ZNF879: variants seen among roughly 807,000 people sequenced by gnomAD.
ZNF879 encodes the protein zinc finger protein 879.
Under a neutral mutation model 44.3 loss-of-function variants are expected in ZNF879, and 32 were observed. The observed-to-expected ratio is 0.72, with a 90% CI of 0.54 to 0.97. The LOEUF is 0.97. Among genes scored for constraint, ZNF879 ranks in the 50% least tolerant of loss-of-function variants. The pLI is 0.00. For missense variants in ZNF879, 621 were observed against 669.7 expected, an observed-to-expected ratio of 0.93 and a Z score of 0.80; for synonymous variants, 234 against 233.2, an observed-to-expected ratio of 1.00 and a Z score of -0.03.
chr5:179,032,916 G>A lies in ZNF879; in HGVS notation c.968G>A (p.Arg323Lys), dbSNP rs780406331. 6.4e-7 allele frequency: 1 copy of A among 1,569,166 alleles called. No individual in the cohort carries two copies. The highest frequency in any genetic ancestry group is 2.4e-5 in the East Asian group (1 of 42,226). ...EKPYKCNECG[R>K]AFSQCSSLIQ... Reference sequence around the variant, plus strand: ...CCCTATAAGTGTAATGAATGTGGGAGGGCCTTCAGTCAGTGCTCATCTCTC... The same window carrying A: ...CCCTATAAGTGTAATGAATGTGGGAAGGCCTTCAGTCAGTGCTCATCTCTC... Residue 323 changes from arginine to lysine, a missense_variant, in exon 5 of 5, where the codon AGG (arginine) becomes AAG (lysine). Arg to Lys is a conservative substitution (Grantham distance 26). Transcript: ENST00000444149.
chr5:179,031,144 T>TC (rs1339714772), intron 4 of ZNF879, among the ~76,000 whole-genome samples: 1 of 152,306 alleles, frequency 6.6e-6, no homozygotes, highest in African/African-American at 2.4e-5. Flanking sequence ...TTGTTCTCTT[T>TC]CTCCCCGGCC....
chr5:179,033,262 T>C lies in ZNF879; in HGVS notation c.1314T>C (p.Ser438=). Residue 438 remains serine, a synonymous_variant, in exon 5 of 5, where the codon TCT becomes TCC. Transcript: ENST00000444149. The part of the protein sequence containing the change: ...YKCNECGKAF[S]WISRLNIHHR... ...GTAATGAATGTGGGAAAGCCTTCTC[T>C]TGGATTTCACGGCTTAATATACATC... 6.3e-7 allele frequency: 1 copy of C among 1,585,898 alleles called. No homozygotes were observed. The highest frequency in any genetic ancestry group is 8.6e-7 in the Non-Finnish European group (1 of 1,165,898).
chr5:179,028,895 G>T (rs560889396), intron 4 of ZNF879, among the ~76,000 whole-genome samples: 1 of 152,270 alleles, frequency 6.6e-6, no homozygotes, highest in Admixed American at 6.5e-5. Flanking sequence ...CCTGGGCAGG[G>T]CGTGGGCTTT....
At chr5:179,025,853 G>T (rs1429054315) in intron 2 of ZNF879, among the ~76,000 whole-genome samples, 1 of 151,888 alleles carries the variant, frequency 6.6e-6, no homozygotes, top group African/African-American at 2.4e-5. Flanking sequence ...GGAGGCAGGG[G>T]TTGAAGCGAG....
In ZNF879 at chr5:179,034,865, G is replaced by A. The variant is rs888947847; in HGVS notation, c.*1225G>A. The A allele has an allele frequency of 2.0e-5, 3 of 152,086 alleles. No homozygotes were observed. The highest frequency in any genetic ancestry group is 7.2e-5 in the African/African-American group (3 of 41,402). 9.4% of individuals were successfully genotyped at this position (152,086 alleles called of 1,614,324 possible). On this transcript the variant is annotated 3_prime_UTR_variant, in exon 5 of 5. Coordinates refer to ENST00000444149, the MANE Select transcript of ZNF879 (RefSeq NM_001136116.3). ...GGGGCAAGCACTTAAGGGCTGAAAC[G>A]ACCCATTTCATAAAGTGCTAAGTTT...
chr5:179,032,381 A>G lies in ZNF879; in HGVS notation c.433A>G (p.Ile145Val). ...NRLFSKVLVTIKKVYMKERSF... is the reference protein window; with the variant it reads ...NRLFSKVLVTVKKVYMKERSF... The stretch of plus-strand genomic sequence containing the variant: ...ACTTTTCAGTAAAGTGTTAGTTACC[A>G]TCAAAAAAGTCTACATGAAGGAGAG... Residue 145 changes from isoleucine to valine, a missense_variant, in exon 5 of 5, where the codon ATC (isoleucine) becomes GTC (valine). By Grantham distance (29) the Ile-to-Val change is conservative. Transcript: ENST00000444149. The G allele has an allele frequency of 6.4e-7, 1 of 1,551,110 alleles. No individual in the cohort carries two copies. Among genetic ancestry groups the G allele is most frequent in the Non-Finnish European group, 8.7e-7 (1 of 1,146,862 alleles).
Position 179,032,691 on chromosome 5 carries a change from C to G in ZNF879, c.743C>G (p.Thr248Ser). The change falls in exon 5 of 5, where the codon ACT becomes AGT. Residue 248 changes from threonine to serine, a missense_variant. By Grantham distance (58) the Thr-to-Ser change is moderately conservative. Coordinates refer to ENST00000444149, the MANE Select transcript of ZNF879 (RefSeq NM_001136116.3). The part of the protein sequence containing the change: ...RKAFSQSSSL[T>S]QHLRVHTGEK... ...GCCTTCAGCCAAAGCTCATCCCTAACTCAGCACTTGAGGGTTCATACAGGA... is the reference window on the plus strand; with the variant it reads ...GCCTTCAGCCAAAGCTCATCCCTAAGTCAGCACTTGAGGGTTCATACAGGA... 1.3e-6 allele frequency: 2 copies of G among 1,560,280 alleles called. No homozygotes were observed. Among genetic ancestry groups the G allele is most frequent in the Non-Finnish European group, 1.7e-6 (2 of 1,152,680 alleles).
intron 2 of ZNF879, 74 bp downstream of exon 2, chr5:179,025,111 G>T: frequency 6.6e-7 from 1 of 1,510,268 alleles, no homozygotes; most frequent in South Asian, 1.2e-5. Context: ...CTGTTGTTGA[G>T]CTTCTCTACC....
In ZNF879 at chr5:179,025,003, A is replaced by G; in HGVS notation, c.-2A>G. Reference sequence around the variant, plus strand: ...TCCAAGAGAGGCAGCAGGGAGGGAGAAATGGCAAGGAGGTTGCTGCCAGCC... The same window carrying G: ...TCCAAGAGAGGCAGCAGGGAGGGAGGAATGGCAAGGAGGTTGCTGCCAGCC... On this transcript the variant is annotated 5_prime_UTR_variant, in exon 2 of 5. Coordinates refer to ENST00000444149, the MANE Select transcript of ZNF879 (RefSeq NM_001136116.3). 2 of 1,551,510 alleles carry G rather than the reference A, an allele frequency of 1.3e-6. No homozygotes were observed. Among genetic ancestry groups the G allele is most frequent in the Non-Finnish European group, 8.7e-7 (1 of 1,146,928 alleles).
At position 179,033,849 on chromosome 5, in the gene ZNF879, A is replaced by T; in HGVS notation, c.*209A>T. On this transcript the variant is annotated 3_prime_UTR_variant, in exon 5 of 5. Transcript: ENST00000444149. ...TAAAATGTTTATTCATATGTTCTTA[A>T]GTTATTACCATGAAATGGAGAATTT... 2.4e-6 allele frequency: 1 copy of T among 422,186 alleles called. No individual in the cohort carries two copies. Among genetic ancestry groups the T allele is most frequent in the South Asian group, 5.6e-5 (1 of 17,720 alleles). The allele number at this position is 422,186 out of a possible 1,614,324, so 26.2% of individuals were successfully genotyped here.
chr5:179,033,021 G>A lies in ZNF879; in HGVS notation c.1073G>A (p.Arg358Gln), dbSNP rs752155214. ...GGGAAAGCCTTCACTTCAATATCGCGGCTAAGTAGGCACCATCGAATTCAT... is the reference window on the plus strand; with the variant it reads ...GGGAAAGCCTTCACTTCAATATCGCAGCTAAGTAGGCACCATCGAATTCAT... ...QCGKAFTSIS[R>Q]LSRHHRIHTG... Residue 358 changes from arginine to glutamine, a missense_variant, in exon 5 of 5, where the codon CGG becomes CAG. Transcript: ENST00000444149. 1.5e-5 allele frequency: 24 copies of A among 1,556,598 alleles called. No homozygotes were observed. The South Asian group carries it at 2.1e-4, about 14-fold the overall frequency.
In ZNF879 at chr5:179,033,378, T is replaced by G; in HGVS notation, c.1430T>G (p.Ile477Ser). The G allele has an allele frequency of 6.4e-7, 1 of 1,558,722 alleles. No individual in the cohort carries two copies. The highest frequency in any genetic ancestry group is 2.4e-5 in the East Asian group (1 of 41,254). ...TCAGGCGTTAATACTCATCGAAAAA[T>G]TCATACTGGAGAAAAACCTTATAAA... ...SHSGVNTHRK[I>S]HTGEKPYKCN... The change falls in exon 5 of 5, where the codon ATT becomes AGT. Residue 477 changes from isoleucine to serine, a missense_variant. Physicochemically the swap from Ile to Ser is moderately radical, Grantham distance 142. Coordinates refer to ENST00000444149, the MANE Select transcript of ZNF879 (RefSeq NM_001136116.3).
intron 4 of ZNF879, 70 bp from the exon 5 acceptor site, chr5:179,032,135 C>T (rs951491585): frequency 1.2e-5 from 14 of 1,143,740 alleles, no homozygotes; most frequent in Admixed American, 3.1e-5. Flanking sequence ...TTTAACTATC[C>T]TTGTGCGTTT....
At chr5:179,025,348 C>G (rs201133999) in intron 2 of ZNF879, among the ~76,000 whole-genome samples, 5 of 152,022 alleles carry the variant, frequency 3.3e-5, no homozygotes, top group Non-Finnish European at 7.4e-5. Context: ...TGCCACCACA[C>G]CCAGCTAATT....
chr5:179,026,543 T>C (rs1288812520), intron 2 of ZNF879, among the ~76,000 whole-genome samples: 1 of 152,146 alleles, frequency 6.6e-6, no homozygotes, highest in Non-Finnish European at 1.5e-5. Context: ...AGTGCAGTAG[T>C]GTGATCACAC....
intron 2 of ZNF879, 152 bp from the exon 3 acceptor site, chr5:179,027,320 AC>A: frequency 9.1e-7 from 1 of 1,103,566 alleles, no homozygotes; most frequent in South Asian, 1.5e-5. Context: ...TGTTTCACTC[AC>A]CATAGGTAAA....
At chr5:179,032,121 A>AT in intron 4 of ZNF879, 84 bp from the exon 5 acceptor site, 1 of 1,053,692 alleles carries the variant, frequency 9.5e-7, no homozygotes, top group Non-Finnish European at 1.3e-6. Flanking sequence ...AAGGCTTTAT[A>AT]TTTTTTAACT....
intron 2 of ZNF879, among the ~76,000 whole-genome samples, chr5:179,026,157 T>C (rs1428228057): frequency 6.6e-6 from 1 of 151,974 alleles, no homozygotes; most frequent in Non-Finnish European, 1.5e-5. Flanking sequence ...TTTGTGATTC[T>C]GTACAGGATG....
At chr5:179,032,095 C>T in intron 4 of ZNF879, 110 bp from the exon 5 acceptor site, 1 of 875,736 alleles carries the variant, frequency 1.1e-6, no homozygotes, top group Non-Finnish European at 1.7e-6. Context: ...TTTTTCCCAT[C>T]CTTTTCTAAG....
Sources: allele counts gnomAD v4.1 joint callset (sites outside exome capture counted in the v4.1 genomes callset), GRCh38; gene constraint gnomAD v4.1.1; transcripts MANE v1.5; gene names NCBI Gene and HGNC (gene_info 2026-07-23, HGNC 2026-07-21).